Variants in TK1 observed in about 807,000 individuals in gnomAD.
TK1 encodes thymidine kinase, cytosolic.
A neutral mutation model predicts 22.4 loss-of-function variants in TK1; 13 were observed. That is an observed-to-expected ratio of 0.58 (90% CI 0.38 to 0.92). The LOEUF (loss-of-function observed/expected upper bound fraction) is 0.92, where lower values mean the gene tolerates loss of function less well. Ranked by LOEUF, TK1 falls within the 40% of genes least tolerant of loss-of-function variation. The pLI is 0.00. For missense variants in TK1, 251 were observed against 315.7 expected (o/e 0.80, Z 1.55); for synonymous variants, 134 against 125.4 (o/e 1.07, Z -0.46).
chr17:78,177,896 A>G (rs1219588357), intron 4 of TK1, among the ~76,000 whole-genome samples: 8 of 151,660 alleles, frequency 5.3e-5, no homozygotes, highest in Admixed American at 3.9e-4. Flanking sequence ...TTTGAGACAG[A>G]GTCTCGCTCT....
At chr17:78,176,367 G>A (rs1183849320) in intron 4 of TK1, among the ~76,000 whole-genome samples, 1 of 152,162 alleles carries the variant, frequency 6.6e-6, no homozygotes, top group Admixed American at 6.5e-5. Flanking sequence ...TTTGGGTTGG[G>A]TGAAGCAGGG....
chr17:78,178,452 C>T (rs189070030), intron 4 of TK1, among the ~76,000 whole-genome samples: 3 of 152,270 alleles, frequency 2.0e-5, no homozygotes, highest in East Asian at 1.9e-4. Flanking sequence ...CAGGATGGCA[C>T]GGTGGCTACT....
chr17:78,184,003 C>T (rs73377437), intron 3 of TK1, among the ~76,000 whole-genome samples: 9,232 of 152,318 alleles, frequency 0.061, 338 homozygotes, highest in South Asian at 0.14. Context: ...ATCTGACTGA[C>T]TCCAGAAGTT....
chr17:78,184,314 C>G (rs1035208339), intron 3 of TK1, among the ~76,000 whole-genome samples: 1 of 152,214 alleles, frequency 6.6e-6, no homozygotes, highest in Non-Finnish European at 1.5e-5. Context: ...GGATACAGCT[C>G]CCAGCCAGGG....
rs2075810759 is a variant in TK1 at position 78,186,998 on chromosome 17, G to A, written c.-4C>T. 6.3e-7 allele frequency: 1 copy of A among 1,585,276 alleles called. No individual in the cohort carries two copies. The highest frequency in any genetic ancestry group is 1.3e-5 in the African/African-American group (1 of 74,172). On this transcript the variant is annotated 5_prime_UTR_variant, in exon 1 of 7. Transcript: ENST00000301634. The stretch of plus-strand genomic sequence containing the variant: ...TGGGCAGGTTAATGCAGCTCATTGC[G>A]CCTCCGGGAAGTTCACGAACCCGAG...
intron 4 of TK1, chr17:78,179,318 G>C (rs1372253633): frequency 1.0e-6 from 1 of 985,314 alleles, no homozygotes; most frequent in Non-Finnish European, 1.2e-6. Context: ...CCTATTCCCA[G>C]CCTGGGCTCA....
At position 78,174,905 on chromosome 17, in the gene TK1, G is replaced by A. The variant is rs768050614; in HGVS notation, c.559C>T (p.Leu187Phe). ...GADKYHSVCRLCYFKKASGQP... is the reference protein window; with the variant it reads ...GADKYHSVCRFCYFKKASGQP... ...CCTGAGGCCTTCTTGAAGTAGCAGA[G>A]CCGACACACGGAGTGGTACTTGTCT... The change falls in exon 7 of 7, where the codon CTC becomes TTC. Residue 187 changes from leucine (L) to phenylalanine (F), a missense_variant. Leu to Phe is a conservative substitution (Grantham distance 22). Transcript: ENST00000301634. 3.1e-6 allele frequency: 5 copies of A among 1,613,942 alleles called. No individual in the cohort carries two copies. The highest frequency in any genetic ancestry group is 1.7e-6 in the Non-Finnish European group (2 of 1,179,876).
intron 6 of TK1, 33 bp from the exon 7 acceptor site, chr17:78,174,983 C>A (rs2075687402): frequency 1.2e-6 from 2 of 1,610,430 alleles, no homozygotes; most frequent in African/African-American, 2.7e-5. Context: ...GGTGAAGGGC[C>A]AGGACAGGAA....
chr17:78,186,886 C>T, intron 1 of TK1, 43 bp downstream of exon 1: 4 of 1,565,518 alleles, frequency 2.6e-6, no homozygotes, highest in East Asian at 2.4e-5. Flanking sequence ...GCTATCACCA[C>T]GACCACCTCA....
intron 3 of TK1, among the ~76,000 whole-genome samples, chr17:78,184,071 G>GT (rs2075760701): frequency 6.6e-6 from 1 of 152,252 alleles, no homozygotes. Context: ...CCCACCAGGT[G>GT]TAACACCACC....
At chr17:78,180,251 C>T (rs2075729196) in intron 4 of TK1, among the ~76,000 whole-genome samples, 1 of 152,232 alleles carries the variant, frequency 6.6e-6, no homozygotes, top group South Asian at 2.1e-4. Context: ...TACAGCCAGC[C>T]AGGGCGACCT....
At chr17:78,183,694 C>T (rs11657714) in intron 3 of TK1, 18,064 of 152,136 alleles carry the variant, frequency 0.12, 1,607 homozygotes, top group East Asian at 0.36. Context: ...AGACCCTGTC[C>T]CAAAAACAAA....
intron 4 of TK1, among the ~76,000 whole-genome samples, chr17:78,176,727 C>T (rs2075702857): frequency 1.3e-5 from 2 of 152,156 alleles, no homozygotes; most frequent in Non-Finnish European, 2.9e-5. Flanking sequence ...CAGGGGCGCG[C>T]CCCCTGGAGG....
Position 78,174,820 on chromosome 17 carries a change from G to C in TK1, c.644C>G (p.Ala215Gly). 1 of 1,613,186 alleles carries C rather than the reference G, an allele frequency of 6.2e-7. No homozygotes were observed. The highest frequency in any genetic ancestry group is 8.5e-7 in the Non-Finnish European group (1 of 1,179,584). Residue 215 changes from alanine to glycine, a missense_variant, in exon 7 of 7, where the codon GCC (alanine) becomes GGC (glycine). By Grantham distance (60) the Ala-to-Gly change is moderately conservative. Coordinates refer to ENST00000301634, the MANE Select transcript of TK1 (RefSeq NM_003258.5). ...GGCAAAGAGCTTCCTGGCAGCCACG[G>C]CTTCCCCTGGCTTTCCTGGCACTGG... ...NCPVPGKPGE[A>G]VAARKLFAPQ...
intron 2 of TK1, 111 bp downstream of exon 2, chr17:78,186,661 GGGGAAGGGAAGGGGA>G (rs1182014692): frequency 7.3e-6 from 7 of 962,618 alleles, no homozygotes; most frequent in Admixed American, 7.2e-5. Context: ...GGTCCTTCTA[GGGGAAGGGAAGGGGA>G]GGGAAGGGAA....
intron 3 of TK1, among the ~76,000 whole-genome samples, chr17:78,184,062 C>T (rs879356901): frequency 1.3e-5 from 2 of 152,262 alleles, no homozygotes; most frequent in Non-Finnish European, 2.9e-5. Context: ...TTCCCTGTCC[C>T]CACCAGGTGT....
chr17:78,185,222 A>C (rs1598972374), intron 2 of TK1, 57 bp from the exon 3 acceptor site: 1 of 1,359,822 alleles, frequency 7.4e-7, no homozygotes. Flanking sequence ...GGAGAAGGAG[A>C]CCCCTCCCCA....
At chr17:78,176,023 T>A (rs2661679) in intron 4 of TK1, among the ~76,000 whole-genome samples, 1 of 152,128 alleles carries the variant, frequency 6.6e-6, no homozygotes, top group African/African-American at 2.4e-5. Flanking sequence ...TTCCTTTTCC[T>A]TAAGAGCAAG....
At position 78,175,287 on chromosome 17, in the gene TK1, C is replaced by A. The variant is rs56681597; in HGVS notation, c.394-118G>T. The A allele has an allele frequency of 4.8e-3, 6,557 of 1,363,392 alleles. 437 individuals are homozygous for A. In the African/African-American group the frequency reaches 0.096, roughly 20 times the overall value. 84.5% of individuals were successfully genotyped at this position (1,363,392 alleles called of 1,614,324 possible). A position where few individuals can be genotyped will look rare whatever the true frequency, so the allele number is the denominator to read the frequency against. On this transcript the variant is annotated intron_variant, in intron 5 of 6. Transcript: ENST00000301634. ...AGAGTTTGCTCTGACCTTAGTCCTT[C>A]CCCCAACCCCCAGAGCACCATGCCC...
Sources: allele counts gnomAD v4.1 joint callset (sites outside exome capture counted in the v4.1 genomes callset), GRCh38; gene constraint gnomAD v4.1.1; transcripts MANE v1.5; gene names NCBI Gene and HGNC (gene_info 2026-07-23, HGNC 2026-07-21).